SLCO3A1: variants seen among roughly 807,000 people sequenced by gnomAD.
SLCO3A1 encodes the protein solute carrier organic anion transporter family member 3A1, also known as PGE1 transporter.
In SLCO3A1, 27 loss-of-function variants were observed where a neutral mutation model predicts 63.1. The ratio of observed to expected loss-of-function variants is 0.43; its 90% CI spans 0.32 to 0.59. The LOEUF is 0.59. Ranked by LOEUF, SLCO3A1 falls within the 20% of genes least tolerant of loss-of-function variation. SLCO3A1 has a pLI of 0.09. For synonymous variants in SLCO3A1, 473 were observed against 409.9 expected, an observed-to-expected ratio of 1.15 and a Z score of -1.86; for missense variants, 773 against 945.8, an observed-to-expected ratio of 0.82 and a Z score of 2.40.
chr15:92,003,384 C>A (rs1393248547), intron 2 of SLCO3A1, among the ~76,000 whole-genome samples: 1 of 152,210 alleles, frequency 6.6e-6, no homozygotes, highest in Non-Finnish European at 1.5e-5. Flanking sequence ...AGAAGATACA[C>A]TATGGAGTAT....
intron 2 of SLCO3A1, among the ~76,000 whole-genome samples, chr15:92,005,435 G>A (rs1425534644): frequency 6.6e-6 from 1 of 152,242 alleles, no homozygotes; most frequent in Non-Finnish European, 1.5e-5. Context: ...ATCCTGTGTG[G>A]TTCAGTCTGG....
At chr15:92,005,151 T>C (rs1234789285) in intron 2 of SLCO3A1, among the ~76,000 whole-genome samples, 1 of 152,208 alleles carries the variant, frequency 6.6e-6, no homozygotes, top group African/African-American at 2.4e-5. Flanking sequence ...AACAAGTCTT[T>C]AGAACCCTAC....
rs1486959190 is a variant in SLCO3A1, at chr15:91,954,494, T to C, written c.646+38036T>C. Among the ~76,000 whole-genome samples, 2 of 152,104 alleles carry C rather than the reference T, an allele frequency of 1.3e-5. No homozygotes were observed. The highest frequency in any genetic ancestry group is 2.9e-5 in the Non-Finnish European group (2 of 68,026). On this transcript the variant is annotated intron_variant, in intron 2 of 9. Coordinates refer to ENST00000318445, the MANE Select transcript of SLCO3A1 (RefSeq NM_013272.4). The surrounding 1 kb of genome is among the most constrained non-coding windows in gnomAD (Gnocchi z 4.7). ...CAGAAGCAAATATTTACCTCACCACTGGGAGAGGGCTGTGTGGGAGAGTGA... is the reference window on the plus strand; with the variant it reads ...CAGAAGCAAATATTTACCTCACCACCGGGAGAGGGCTGTGTGGGAGAGTGA...
chr15:91,942,238 T>C lies in SLCO3A1; in HGVS notation c.646+25780T>C, dbSNP rs1259495817. 6.6e-6 allele frequency among the ~76,000 whole-genome samples: 1 copy of C among 152,208 alleles called. No homozygotes were observed. Among genetic ancestry groups the C allele is most frequent in the East Asian group, 1.9e-4 (1 of 5,204 alleles). ...TTTTATATTTGACTCTTCTGTGAAA[T>C]CCAAAAATGTAGCAACTGCTGAACC... On this transcript the variant is annotated intron_variant, in intron 2 of 9. Transcript: ENST00000318445. The surrounding 1 kb of genome is among the most constrained non-coding windows in gnomAD (Gnocchi z 4.1).
rs558982494 is a variant in SLCO3A1, at chr15:92,134,705, T to C, written c.1512+6216T>C. On this transcript the variant is annotated intron_variant, in intron 7 of 9. Coordinates refer to ENST00000318445, the MANE Select transcript of SLCO3A1 (RefSeq NM_013272.4). ...TTTGTTTCCAGTTTTTGTGTATATT[T>C]CAAAAATATCTAAAATGATTATCAC... Among the ~76,000 whole-genome samples the C allele has an allele frequency of 2.0e-5, 3 of 152,358 alleles. No individual in the cohort carries two copies. The South Asian group carries it at 6.2e-4, about 32-fold the overall frequency.
At chr15:92,097,616 G>A (rs886095449) in intron 3 of SLCO3A1, among the ~76,000 whole-genome samples, 1 of 152,178 alleles carries the variant, frequency 6.6e-6, no homozygotes, top group Admixed American at 6.5e-5. Flanking sequence ...TCCCGTGTGG[G>A]CATCTCGCTG....
At chr15:92,023,530 G>A (rs1429825792) in intron 2 of SLCO3A1, among the ~76,000 whole-genome samples, 1 of 151,638 alleles carries the variant, frequency 6.6e-6, no homozygotes, top group Non-Finnish European at 1.5e-5. Flanking sequence ...GTGCAGTGGT[G>A]GGATCTCAGC....
At chr15:91,951,939 C>T (rs992174228) in intron 2 of SLCO3A1, among the ~76,000 whole-genome samples, 1 of 151,982 alleles carries the variant, frequency 6.6e-6, no homozygotes, top group African/African-American at 2.4e-5. Flanking sequence ...CGTGTTGTAA[C>T]TCTAGGTTTA....
rs1898532420 is a variant in SLCO3A1 at position 91,912,983 on chromosome 15, G to A, written c.181-3010G>A. 6.6e-6 allele frequency among the ~76,000 whole-genome samples: 1 copy of A among 152,128 alleles called. No homozygotes were observed. The highest frequency in any genetic ancestry group is 2.1e-4 in the South Asian group (1 of 4,826). On this transcript the variant is annotated intron_variant, in intron 1 of 9. Transcript: ENST00000318445. The surrounding 1 kb of genome is among the most constrained non-coding windows in gnomAD (Gnocchi z 5.0). ...TCTGGTAAATCATTTATTCCATCAT[G>A]TATGTATGTTTGTTTGTGTTGCGAA...
At position 92,116,893 on chromosome 15, in the gene SLCO3A1, G is replaced by GA. The variant is rs370495099; in HGVS notation, c.1010-3563dup. Among the ~76,000 whole-genome samples the GA allele has an allele frequency of 6.9e-3, 1,038 of 150,726 alleles. 13 individuals carry two copies. Among genetic ancestry groups the GA allele is most frequent in the African/African-American group, 0.023 (942 of 41,058 alleles). On this transcript the variant is annotated intron_variant, in intron 4 of 9. Transcript: ENST00000318445. ...TGGAGGCAAGTTGCCTTGGTAGAGG[G>GA]AAAAAAAAAGAATGTTCTTCATGCA...
rs1251094956 is a variant in SLCO3A1 at position 91,859,554 on chromosome 15, C to T, written c.180+5466C>T. Among the ~76,000 whole-genome samples the T allele has an allele frequency of 6.6e-6, 1 of 152,140 alleles. No individual in the cohort carries two copies. The highest frequency in any genetic ancestry group is 1.5e-5 in the Non-Finnish European group (1 of 68,032). On this transcript the variant is annotated intron_variant, in intron 1 of 9. Coordinates refer to ENST00000318445, the MANE Select transcript of SLCO3A1 (RefSeq NM_013272.4). The surrounding 1 kb of genome is among the most constrained non-coding windows in gnomAD (Gnocchi z 5.1). ...AAAGGCAAGTGTCTGTGGCAGCTGT[C>T]GCTTATTCGATGAGTGTTAGAAGAC...
chr15:92,014,403 C>T (rs993423952), intron 2 of SLCO3A1, among the ~76,000 whole-genome samples: 7 of 152,082 alleles, frequency 4.6e-5, no homozygotes, highest in East Asian at 1.9e-4. Flanking sequence ...GAGAATGCCC[C>T]GTGATTAGGG....
intron 2 of SLCO3A1, among the ~76,000 whole-genome samples, chr15:92,053,333 G>T (rs1302088481): frequency 6.6e-6 from 1 of 152,118 alleles, no homozygotes; most frequent in Non-Finnish European, 1.5e-5. Context: ...GAGTTCTGAG[G>T]ATAGCACAGA....
chr15:92,098,599 G>A (rs1382194584), intron 3 of SLCO3A1, among the ~76,000 whole-genome samples: 5 of 152,222 alleles, frequency 3.3e-5, no homozygotes, highest in Admixed American at 2.6e-4. Context: ...AAAAAGATTA[G>A]TAGTAACAGC....
In SLCO3A1 at chr15:92,002,710, A is replaced by G. The variant is rs548095867; in HGVS notation, c.646+86252A>G. On this transcript the variant is annotated intron_variant, in intron 2 of 9. Transcript: ENST00000318445. ...CTCTCAGGAAGGGCCTGCGATGGGC[A>G]GGAGACTCACTTTTTATTGAATATT... 3.3e-5 allele frequency among the ~76,000 whole-genome samples: 5 copies of G among 152,356 alleles called. No homozygotes were observed. The East Asian group carries it at 9.6e-4, about 29-fold the overall frequency.
chr15:91,892,468 G>C (rs1295854312), intron 1 of SLCO3A1, among the ~76,000 whole-genome samples: 1 of 152,208 alleles, frequency 6.6e-6, no homozygotes, highest in Non-Finnish European at 1.5e-5. Flanking sequence ...TAACTGGAAT[G>C]GAGGTAGGAC....
At chr15:92,005,397 A>G (rs1415868075) in intron 2 of SLCO3A1, among the ~76,000 whole-genome samples, 1 of 152,180 alleles carries the variant, frequency 6.6e-6, no homozygotes, top group Non-Finnish European at 1.5e-5. Context: ...TGGAAAGTTG[A>G]TGGTCTATCT....
At chr15:92,021,242 C>T (rs1203148425) in intron 2 of SLCO3A1, among the ~76,000 whole-genome samples, 1 of 152,222 alleles carries the variant, frequency 6.6e-6, no homozygotes, top group Non-Finnish European at 1.5e-5. Flanking sequence ...GCAGATGTCA[C>T]TTACTCTTTT....
intron 7 of SLCO3A1, among the ~76,000 whole-genome samples, chr15:92,142,769 T>C (rs1005630): frequency 2.4e-3 from 364 of 152,226 alleles, no homozygotes; most frequent in African/African-American, 7.9e-3. Flanking sequence ...GATAAAGATG[T>C]CTCATTTTAT....
Sources: allele counts gnomAD v4.1 joint callset (sites outside exome capture counted in the v4.1 genomes callset), GRCh38; gene constraint gnomAD v4.1.1; non-coding constraint Gnocchi (gnomAD v3.1); transcripts MANE v1.5; gene names NCBI Gene and HGNC (gene_info 2026-07-23, HGNC 2026-07-21).